The following TAFA2 variants were observed in gnomAD, a reference collection of about 807,000 sequenced individuals.
TAFA2 encodes the protein chemokine-like protein TAFA-2.
In TAFA2, 7 loss-of-function variants were observed where a neutral mutation model predicts 18.8. The ratio of observed to expected loss-of-function variants is 0.37; its 90% CI spans 0.21 to 0.70. TAFA2 has a LOEUF of 0.70. TAFA2 is among the 30% of genes least tolerant of loss of function. TAFA2 has a pLI of 0.53. For missense variants in TAFA2, 122 were observed against 158.1 expected (o/e 0.77, Z 1.23); for synonymous variants, 60 against 54.2 (o/e 1.11, Z -0.47).
At position 62,224,082 on chromosome 12, in the gene TAFA2, TACACACAC is replaced by T. The variant is rs144010764; in HGVS notation, c.-130+34673_-130+34680del. Among the ~76,000 whole-genome samples the T allele has an allele frequency of 3.5e-3, 495 of 142,572 alleles. 2 individuals are homozygous for T. The highest frequency in any genetic ancestry group is 0.011 in the African/African-American group (427 of 39,328). The allele number at this position is 142,572 out of a possible 152,430, so 93.5% of individuals were successfully genotyped here. On this transcript the variant is annotated intron_variant, in intron 1 of 5. Coordinates refer to the TAFA2 transcript ENST00000551619. ...AAACAAAATGTGTTTTATATGTGCATACACACACACACACACACACACACACACACACA... is the reference window on the plus strand; with the variant it reads ...AAACAAAATGTGTTTTATATGTGCATACACACACACACACACACACACACA...
intron 1 of TAFA2, among the ~76,000 whole-genome samples, chr12:62,148,053 T>TA (rs2062299985): frequency 1.4e-5 from 2 of 146,410 alleles, no homozygotes; most frequent in African/African-American, 5.1e-5. Flanking sequence ...TACTAAAAAG[T>TA]CAAAAAAAAG....
chr12:61,726,585 G>C (rs1870177551), intron 4 of TAFA2, among the ~76,000 whole-genome samples: 1 of 152,110 alleles, frequency 6.6e-6, no homozygotes. Flanking sequence ...CATTGATTTT[G>C]TATCCTGAAA....
chr12:62,062,317 A>G (rs553143996), intron 1 of TAFA2, among the ~76,000 whole-genome samples: 1 of 152,300 alleles, frequency 6.6e-6, no homozygotes, highest in South Asian at 2.1e-4. Flanking sequence ...TCCTCTTGGG[A>G]GAACTCACAC....
chr12:61,861,597 C>A (rs1166724647), intron 2 of TAFA2, among the ~76,000 whole-genome samples: 2 of 152,050 alleles, frequency 1.3e-5, no homozygotes, highest in African/African-American at 4.8e-5. Flanking sequence ...AAGCCCAACA[C>A]TTAACAGACA....
chr12:62,258,192 G>T (rs746043825), intron 1 of TAFA2: 2 of 152,158 alleles, frequency 1.3e-5, no homozygotes, highest in Non-Finnish European at 2.9e-5. Flanking sequence ...TAGGCACTCT[G>T]TAAGTGCTTG....
intron 1 of TAFA2, among the ~76,000 whole-genome samples, chr12:62,181,148 G>A (rs928754720): frequency 4.6e-5 from 7 of 151,034 alleles, no homozygotes; most frequent in African/African-American, 9.8e-5. Flanking sequence ...GGTGCCCCCC[G>A]CCCCCTGAGT....
At chr12:62,238,417 T>A (rs1157135300) in intron 1 of TAFA2, among the ~76,000 whole-genome samples, 1 of 152,230 alleles carries the variant, frequency 6.6e-6, no homozygotes, top group East Asian at 1.9e-4. Context: ...AATAACCATT[T>A]GTTTTTGTGA....
At chr12:61,870,685 C>T (rs533355537) in intron 1 of TAFA2, among the ~76,000 whole-genome samples, 2 of 152,202 alleles carry the variant, frequency 1.3e-5, no homozygotes, top group East Asian at 3.9e-4. Context: ...CAATGACTTC[C>T]AGCTAAATCT....
intron 1 of TAFA2, among the ~76,000 whole-genome samples, chr12:61,944,425 G>T (rs1878175112): frequency 7.7e-6 from 1 of 129,858 alleles, no homozygotes; most frequent in African/African-American, 3.1e-5. Context: ...ACATTCAAAA[G>T]CTAGCAGAAG....
At chr12:62,061,663 AT>A (rs1882352248) in intron 1 of TAFA2, among the ~76,000 whole-genome samples, 1 of 152,260 alleles carries the variant, frequency 6.6e-6, no homozygotes, top group Admixed American at 6.5e-5. Context: ...GAGGTTACTC[AT>A]TTTATGAGGT....
intron 1 of TAFA2, among the ~76,000 whole-genome samples, chr12:62,110,631 T>TTTTG (rs1869683975): frequency 7.2e-6 from 1 of 139,818 alleles, no homozygotes. Flanking sequence ...TTTTTTTTTT[T>TTTTG]GGTTGGTAGG....
At chr12:62,063,167 C>T (rs928582620) in intron 1 of TAFA2, among the ~76,000 whole-genome samples, 4 of 152,134 alleles carry the variant, frequency 2.6e-5, no homozygotes, top group Admixed American at 2.0e-4. Flanking sequence ...ATTCCGCCTG[C>T]CACACAGCCC....
At chr12:61,724,891 C>G (rs759761773) in intron 4 of TAFA2, among the ~76,000 whole-genome samples, 2 of 144,554 alleles carry the variant, frequency 1.4e-5, no homozygotes, top group Non-Finnish European at 3.1e-5. Context: ...TATGGAATCT[C>G]CACACTGTTT....
intron 1 of TAFA2, among the ~76,000 whole-genome samples, chr12:62,025,850 T>TA (rs1288428107): frequency 6.6e-6 from 1 of 152,094 alleles, no homozygotes; most frequent in South Asian, 2.1e-4. Flanking sequence ...CTAGAGTTTT[T>TA]ACCTAAGGAA....
At chr12:61,757,001 T>C (rs999453275) in intron 2 of TAFA2, among the ~76,000 whole-genome samples, 1 of 152,016 alleles carries the variant, frequency 6.6e-6, no homozygotes, top group Non-Finnish European at 1.5e-5. Flanking sequence ...CATAAGCAGA[T>C]CATGGAAAGG....
At chr12:61,991,612 G>A (rs535102210) in intron 1 of TAFA2, among the ~76,000 whole-genome samples, 29 of 152,142 alleles carry the variant, frequency 1.9e-4, no homozygotes, top group East Asian at 1.5e-3. Flanking sequence ...TTCCATTAGC[G>A]TAAATACACA....
intron 1 of TAFA2, among the ~76,000 whole-genome samples, chr12:62,030,266 T>A (rs574233354): frequency 4.9e-4 from 74 of 152,188 alleles, no homozygotes; most frequent in African/African-American, 1.6e-3. Flanking sequence ...AGCAATTCAC[T>A]GAGGTTGGAA....
rs1277140161 is a variant in TAFA2 at position 61,802,186 on chromosome 12, G to T, written c.107-47162C>A. Among the ~76,000 whole-genome samples the T allele has an allele frequency of 2.6e-5, 4 of 152,066 alleles. No individual in the cohort carries two copies. The Middle Eastern group carries it at 0.014, about 517-fold the overall frequency. Reference sequence around the variant, plus strand: ...GAATGTAAAAAGTATAGCCACTATTGAAAACAGTATGAAGGTTCCCCAAAA... The same window carrying T: ...GAATGTAAAAAGTATAGCCACTATTTAAAACAGTATGAAGGTTCCCCAAAA... On this transcript the variant is annotated intron_variant, in intron 2 of 4. Coordinates refer to ENST00000416284, the MANE Select transcript of TAFA2 (RefSeq NM_178539.5).
At chr12:61,850,972 A>T (rs767159094) in intron 2 of TAFA2, among the ~76,000 whole-genome samples, 19 of 152,180 alleles carry the variant, frequency 1.2e-4, no homozygotes, top group Non-Finnish European at 2.4e-4. Context: ...TTCTTCTGTA[A>T]CTTCTATTCA....
Sources: gnomAD v4.1 joint callset for allele counts (sites outside exome capture counted in the v4.1 genomes callset) on GRCh38, gnomAD v4.1.1 for gene constraint, MANE v1.5 for transcripts, NCBI Gene and HGNC (gene_info 2026-07-23, HGNC 2026-07-21) for gene names.